Variants in BTNL8 observed in about 807,000 individuals in gnomAD.
BTNL8 encodes butyrophilin-like protein 8.
BTNL8 carries 22 observed loss-of-function variants against 36.1 expected under a neutral mutation model. The observed-to-expected ratio is 0.61, with a 90% CI of 0.44 to 0.87. The LOEUF is 0.87. BTNL8 is among the 40% of genes least tolerant of loss of function. BTNL8 has a pLI of 0.00. For synonymous variants in BTNL8, 203 were observed against 235.6 expected, an observed-to-expected ratio of 0.86 and a Z score of 1.27; for missense variants, 526 against 616.9, an observed-to-expected ratio of 0.85 and a Z score of 1.56.
At chr5:180,927,101 C>T (rs1561938513) in intron 3 of BTNL8, among the ~76,000 whole-genome samples, 3 of 152,176 alleles carry the variant, frequency 2.0e-5, no homozygotes, top group African/African-American at 7.2e-5. Context: ...GGATGCCCCC[C>T]TGGGACGAAC....
intron 1 of BTNL8, among the ~76,000 whole-genome samples, chr5:180,907,285 G>A (rs1394916186): frequency 3.0e-5 from 3 of 98,522 alleles, no homozygotes; most frequent in African/African-American, 1.0e-4. Context: ...ATCTTCCATC[G>A]CTGATACCCT....
intron 4 of BTNL8, chr5:180,948,113 T>C (rs375010262): frequency 3.2e-6 from 2 of 628,076 alleles, no homozygotes. Context: ...CCCATCTCCA[T>C]CCCCACCTCC....
chr5:180,949,460 G>C, intron 7 of BTNL8, 195 bp downstream of exon 7: 1 of 889,114 alleles, frequency 1.1e-6, no homozygotes, highest in East Asian at 3.2e-5. Flanking sequence ...TCTAGAAGGG[G>C]AGAAGACAGG....
At chr5:180,946,211 T>C (rs1582066035) in intron 3 of BTNL8, among the ~76,000 whole-genome samples, 1 of 152,318 alleles carries the variant, frequency 6.6e-6, no homozygotes, top group African/African-American at 2.4e-5. Context: ...ATGGCAATTA[T>C]GGAAAACTGT....
chr5:180,915,855 C>T (rs1757604336), intron 3 of BTNL8, among the ~76,000 whole-genome samples: 1 of 152,178 alleles, frequency 6.6e-6, no homozygotes, highest in Non-Finnish European at 1.5e-5. Context: ...ACAAAACCAA[C>T]TTTCAATAAA....
chr5:180,934,578 G>C (rs1758557664), intron 3 of BTNL8, among the ~76,000 whole-genome samples: 1 of 152,238 alleles, frequency 6.6e-6, no homozygotes, highest in South Asian at 2.1e-4. Flanking sequence ...GGAGCAGGCA[G>C]CTCTAGGCAC....
rs1442149235 is a variant in BTNL8, at chr5:180,942,607, G to C, written c.674-4905G>C. ...TAAAAGCAGACACACAGAAGAATGA[G>C]ACAGAATACAAAACCCAGATATAAA... On this transcript the variant is annotated intron_variant, in intron 3 of 7. Coordinates refer to ENST00000340184, the MANE Select transcript of BTNL8 (RefSeq NM_001040462.3). 2.6e-5 allele frequency among the ~76,000 whole-genome samples: 4 copies of C among 152,178 alleles called. No individual in the cohort carries two copies. The East Asian group carries it at 7.7e-4, about 29-fold the overall frequency.
At chr5:180,933,823 C>G (rs191348731) in intron 3 of BTNL8, among the ~76,000 whole-genome samples, 1 of 151,878 alleles carries the variant, frequency 6.6e-6, no homozygotes, top group African/African-American at 2.4e-5. Flanking sequence ...AAAGAAAAGC[C>G]CAGGACCCAG....
intron 3 of BTNL8, among the ~76,000 whole-genome samples, chr5:180,938,662 C>G (rs1198156199): frequency 1.3e-5 from 2 of 151,590 alleles, no homozygotes; most frequent in Non-Finnish European, 2.9e-5. Flanking sequence ...CTTAGCCTCT[C>G]GAGTAGCTGG....
At chr5:180,940,063 C>T (rs1758850331) in intron 3 of BTNL8, among the ~76,000 whole-genome samples, 1 of 152,112 alleles carries the variant, frequency 6.6e-6, no homozygotes, top group East Asian at 1.9e-4. Context: ...ATACAACATA[C>T]CAGCTGGGCA....
At chr5:180,923,067 G>A (rs1304431589) in intron 3 of BTNL8, among the ~76,000 whole-genome samples, 2 of 152,028 alleles carry the variant, frequency 1.3e-5, no homozygotes, top group African/African-American at 4.8e-5. Flanking sequence ...TTTATTTTGA[G>A]CCTATGGATG....
chr5:180,919,627 A>G (rs1396437778), intron 3 of BTNL8, among the ~76,000 whole-genome samples: 1 of 152,222 alleles, frequency 6.6e-6, no homozygotes, highest in Non-Finnish European at 1.5e-5. Context: ...CTGTTTGGAG[A>G]TGACATGACA....
intron 3 of BTNL8, among the ~76,000 whole-genome samples, chr5:180,927,423 G>A (rs1413953762): frequency 6.6e-6 from 1 of 152,164 alleles, no homozygotes; most frequent in Non-Finnish European, 1.5e-5. Context: ...TGCCTCTTCT[G>A]TTCCAAAGGA....
intron 3 of BTNL8, among the ~76,000 whole-genome samples, chr5:180,930,618 G>A (rs1334284988): frequency 6.6e-6 from 1 of 152,056 alleles, no homozygotes; most frequent in Admixed American, 6.6e-5. Context: ...AAAGTCTCGG[G>A]ATACAAAATC....
At chr5:180,944,675 A>C (rs577969510) in intron 3 of BTNL8, among the ~76,000 whole-genome samples, 19 of 152,338 alleles carry the variant, frequency 1.2e-4, no homozygotes, top group Non-Finnish European at 2.6e-4. Flanking sequence ...GAGGATTTTG[A>C]ATGTTCTCAC....
chr5:180,939,821 A>G (rs945783392), intron 3 of BTNL8, among the ~76,000 whole-genome samples: 12 of 152,250 alleles, frequency 7.9e-5, no homozygotes, highest in African/African-American at 2.9e-4. Flanking sequence ...AATATTCTGC[A>G]GGATACATTT....
Position 180,908,999 on chromosome 5 carries a change from T to G in BTNL8, c.397+66T>G, listed in dbSNP as rs4700767. On this transcript the variant is annotated intron_variant, in intron 2 of 7. Coordinates refer to ENST00000340184, the MANE Select transcript of BTNL8 (RefSeq NM_001040462.3). ...ATCCTGGACTTTATAAGTGTTTTTT[T>G]CAATAAGGAAATTTTAAAATTTTAG... 1,918 of 1,485,506 alleles carry G rather than the reference T, an allele frequency of 1.3e-3. 11 individuals carry two copies. In the Admixed American group the frequency reaches 0.013, roughly 10 times the overall value. 92.0% of individuals were successfully genotyped at this position (1,485,506 alleles called of 1,614,324 possible). A position where few individuals can be genotyped will look rare whatever the true frequency, so the allele number is the denominator to read the frequency against.
In BTNL8 at chr5:180,903,239, CATT is replaced by C. The variant is rs1205366866; in HGVS notation, c.49+3881_49+3883del. ...TTCTAACTGGTGTGAGATGGTATCT[CATT>C]GTGGTTTTGATTTGCATTTCTCTGA... On this transcript the variant is annotated intron_variant, in intron 1 of 7. Transcript: ENST00000340184. Among the ~76,000 whole-genome samples, 5 of 120,050 alleles carry C rather than the reference CATT, an allele frequency of 4.2e-5. 2 individuals are homozygous for C. The highest frequency in any genetic ancestry group is 8.3e-5 in the Non-Finnish European group (5 of 60,368). The allele number at this position is 120,050 out of a possible 152,430, so 78.8% of individuals were successfully genotyped here.
chr5:180,901,195 A>C (rs1334776672), intron 1 of BTNL8, among the ~76,000 whole-genome samples: 1 of 152,252 alleles, frequency 6.6e-6, no homozygotes, highest in Non-Finnish European at 1.5e-5. Context: ...AGATTTATAA[A>C]ATGTAATTAA....
Sources: gnomAD v4.1 joint callset for allele counts (sites outside exome capture counted in the v4.1 genomes callset) on GRCh38, gnomAD v4.1.1 for gene constraint, MANE v1.5 for transcripts, NCBI Gene and HGNC (gene_info 2026-07-23, HGNC 2026-07-21) for gene names.